The following KIF13B variants were observed in gnomAD, a reference collection of about 807,000 sequenced individuals.
KIF13B encodes kinesin-like protein KIF13B.
In KIF13B, 127 loss-of-function variants were observed where a neutral mutation model predicts 222.0. The ratio of observed to expected loss-of-function variants is 0.57; its 90% CI spans 0.50 to 0.66. The LOEUF (loss-of-function observed/expected upper bound fraction) is 0.66, where lower values mean the gene tolerates loss of function less well. Ranked by LOEUF, KIF13B falls within the 30% of genes least tolerant of loss-of-function variation. KIF13B has a pLI of 0.00. For synonymous variants in KIF13B, 976 were observed against 919.0 expected, an observed-to-expected ratio of 1.06 and a Z score of -1.12; for missense variants, 2,173 against 2,379.0, an observed-to-expected ratio of 0.91 and a Z score of 1.80.
Position 29,132,411 on chromosome 8 carries a change from A to G in KIF13B, c.2839T>C (p.Leu947=), listed in dbSNP as rs755768809. 19 of 1,589,524 alleles carry G rather than the reference A, an allele frequency of 1.2e-5. No individual in the cohort carries two copies. In the African/African-American group the frequency reaches 1.2e-4, roughly 10 times the overall value. The change falls in exon 23 of 40, where the codon TTG becomes CTG. Residue 947 remains leucine (L), a synonymous_variant. Coordinates refer to ENST00000524189, the MANE Select transcript of KIF13B (RefSeq NM_015254.4). The part of the protein sequence containing the change: ...DFIEHLSEGA[L]AIEVYGHKIN... ...TTATGTCCATATACTTCAATTGCCAATGCTCCTTCGGAAAGATGCTCGATA... is the reference window on the plus strand; with the variant it reads ...TTATGTCCATATACTTCAATTGCCAGTGCTCCTTCGGAAAGATGCTCGATA...
chr8:29,245,150 T>C (rs1251368873), intron 2 of KIF13B, among the ~76,000 whole-genome samples, 196 bp downstream of exon 2: 1 of 152,214 alleles, frequency 6.6e-6, no homozygotes, highest in East Asian at 1.9e-4. Flanking sequence ...TTACTACCTC[T>C]AATACTCATT....
intron 36 of KIF13B, among the ~76,000 whole-genome samples, chr8:29,096,386 A>T (rs1183772778): frequency 7.0e-6 from 1 of 142,368 alleles, no homozygotes; most frequent in African/African-American, 2.6e-5. Flanking sequence ...TGCAGCCTCA[A>T]CCTCCCAGGT....
At chr8:29,185,062 C>T (rs1224154973) in intron 6 of KIF13B, among the ~76,000 whole-genome samples, 1 of 152,074 alleles carries the variant, frequency 6.6e-6, no homozygotes, top group Non-Finnish European at 1.5e-5. Context: ...AACTCCTGGG[C>T]TCAAGCGATC....
intron 6 of KIF13B, among the ~76,000 whole-genome samples, chr8:29,184,822 G>C (rs1812861392): frequency 6.6e-6 from 1 of 152,084 alleles, no homozygotes; most frequent in Non-Finnish European, 1.5e-5. Context: ...GAAAAGTGAT[G>C]ATCTTTGCGA....
At chr8:29,228,301 CA>C (rs58229719) in intron 2 of KIF13B, among the ~76,000 whole-genome samples, 2 of 148,160 alleles carry the variant, frequency 1.3e-5, no homozygotes, top group Non-Finnish European at 3.0e-5. Context: ...CTGTCTCTAC[CA>C]AAAAAAATAG....
intron 2 of KIF13B, among the ~76,000 whole-genome samples, chr8:29,211,741 CA>C (rs1362350505): frequency 1.3e-5 from 2 of 152,222 alleles, no homozygotes; most frequent in African/African-American, 4.8e-5. Flanking sequence ...CAACCAGCCA[CA>C]GAGGAAAGAT....
At chr8:29,192,397 T>C (rs546666876) in intron 3 of KIF13B, among the ~76,000 whole-genome samples, 1 of 152,052 alleles carries the variant, frequency 6.6e-6, no homozygotes, top group Non-Finnish European at 1.5e-5. Flanking sequence ...GTCCTTGAAG[T>C]TATATATGTT....
intron 38 of KIF13B, among the ~76,000 whole-genome samples, chr8:29,073,140 CGAGGAGGGGGACGAGGAGGGGGAT>C (rs1807389569): frequency 6.6e-5 from 2 of 30,304 alleles, no homozygotes; most frequent in Non-Finnish European, 1.2e-4. Flanking sequence ...AGGAGGGGGA[CGAGGAGGGGGACGAGGAGGGGGAT>C]GAGGAGGGGA....
At chr8:29,087,819 A>C (rs1808110189) in intron 37 of KIF13B, among the ~76,000 whole-genome samples, 1 of 151,768 alleles carries the variant, frequency 6.6e-6, no homozygotes, top group South Asian at 2.1e-4. Flanking sequence ...AAGATGGGGG[A>C]GGTCTGAGAG....
intron 31 of KIF13B, among the ~76,000 whole-genome samples, chr8:29,114,021 A>C (rs1244766595): frequency 1.3e-5 from 2 of 152,226 alleles, no homozygotes; most frequent in African/African-American, 4.8e-5. Context: ...GATCGTTATG[A>C]GGAATGATTT....
chr8:29,146,338 C>T, intron 18 of KIF13B, 40 bp downstream of exon 18: 1 of 1,596,816 alleles, frequency 6.3e-7, no homozygotes. Flanking sequence ...CGATCTTATC[C>T]AATGAGATCT....
intron 36 of KIF13B, among the ~76,000 whole-genome samples, chr8:29,098,510 G>A (rs893531550): frequency 6.6e-6 from 1 of 151,480 alleles, no homozygotes; most frequent in Non-Finnish European, 1.5e-5. Flanking sequence ...GGCTGAGGCA[G>A]GAGAATCACT....
rs1227537433 is a variant in KIF13B, at chr8:29,170,109, GC to G, written c.946-2525del. On this transcript the variant is annotated intron_variant, in intron 10 of 39. Coordinates refer to ENST00000524189, the MANE Select transcript of KIF13B (RefSeq NM_015254.4). ...AAAGGAAATCACAACAAAAGAACTGGCACTCATTCAAGGAGAAAGTAGAAAG... is the reference window on the plus strand; with the variant it reads ...AAAGGAAATCACAACAAAAGAACTGGACTCATTCAAGGAGAAAGTAGAAAG... 3.3e-5 allele frequency among the ~76,000 whole-genome samples: 5 copies of G among 152,170 alleles called. No individual in the cohort carries two copies. In the East Asian group the frequency reaches 9.6e-4, roughly 29 times the overall value.
intron 9 of KIF13B, among the ~76,000 whole-genome samples, chr8:29,176,548 AGT>A (rs1026115373): frequency 1.3e-5 from 2 of 152,224 alleles, no homozygotes; most frequent in Non-Finnish European, 2.9e-5. Context: ...TCTGGGTGAC[AGT>A]GTTTTATCAT....
Position 29,215,555 on chromosome 8 carries a change from G to A in KIF13B, c.150-19356C>T, listed in dbSNP as rs76849632. Among the ~76,000 whole-genome samples, 175 of 152,262 alleles carry A rather than the reference G, an allele frequency of 1.1e-3. No homozygotes were observed. In the East Asian group the frequency reaches 0.021, roughly 18 times the overall value. On this transcript the variant is annotated intron_variant, in intron 2 of 39. Transcript: ENST00000524189. ...AATTCTTTTTTAATTAGCCAGGCAC[G>A]ATGGCATGCGTCTGTTGTCCCAGCT...
At chr8:29,240,352 G>A (rs1054462148) in intron 2 of KIF13B, among the ~76,000 whole-genome samples, 10 of 148,774 alleles carry the variant, frequency 6.7e-5, no homozygotes, top group African/African-American at 4.9e-5. Flanking sequence ...CCGCTTTCAC[G>A]TAAGAATGTC....
intron 4 of KIF13B, chr8:29,189,425 A>G (rs1813078702): frequency 6.6e-6 from 1 of 152,172 alleles, no homozygotes; most frequent in Non-Finnish European, 1.5e-5. Context: ...TTAATATTTA[A>G]AAGAGATTGT....
intron 38 of KIF13B, among the ~76,000 whole-genome samples, chr8:29,072,649 C>T (rs1478268450): frequency 6.6e-6 from 1 of 152,198 alleles, no homozygotes; most frequent in Non-Finnish European, 1.5e-5. Context: ...CAGTGCACCC[C>T]GCAGGCCCTG....
At chr8:29,120,043 A>G (rs1046558586) in intron 29 of KIF13B, among the ~76,000 whole-genome samples, 2 of 152,028 alleles carry the variant, frequency 1.3e-5, no homozygotes, top group African/African-American at 4.8e-5. Context: ...TAGATCCTTA[A>G]TCTACTCTTC....
Sources: allele counts gnomAD v4.1 joint callset (sites outside exome capture counted in the v4.1 genomes callset), GRCh38; gene constraint gnomAD v4.1.1; transcripts MANE v1.5; gene names NCBI Gene and HGNC (gene_info 2026-07-23, HGNC 2026-07-21).